Variants in DPH6 observed in about 807,000 individuals in gnomAD.
The protein encoded by DPH6 is diphthamine biosynthesis 6, also known as diphthine--ammonia ligase.
In DPH6, 33 loss-of-function variants were observed where a neutral mutation model predicts 38.2. That is an observed-to-expected ratio of 0.86 (90% confidence interval 0.65 to 1.15). DPH6 has a LOEUF of 1.15. DPH6 is among the 50% of genes most tolerant of loss of function. The pLI, the probability that DPH6 is intolerant of heterozygous loss-of-function variation, is 0.00. For synonymous variants in DPH6, 108 were observed against 103.0 expected (o/e 1.05, Z -0.30); for missense variants, 325 against 320.0 (o/e 1.02, Z -0.12).
intron 3 of DPH6, among the ~76,000 whole-genome samples, chr15:35,470,922 T>C (rs768732499): frequency 1.3e-5 from 2 of 152,158 alleles, no homozygotes; most frequent in African/African-American, 2.4e-5. Context: ...GTATAGGAGA[T>C]GTAATTTGTG....
chr15:35,371,973 C>A lies in DPH6; in HGVS notation c.*177G>T. 1.5e-6 allele frequency: 2 copies of A among 1,305,040 alleles called. No homozygotes were observed. Among genetic ancestry groups the A allele is most frequent in the Non-Finnish European group, 2.0e-6 (2 of 1,023,586 alleles). The allele number at this position is 1,305,040 out of a possible 1,614,324, so 80.8% of individuals were successfully genotyped here. ...AAGTTGGCACTATTAATGAACATGC[C>A]GTCGACATTTTCCCAATTAATAAAT... On this transcript the variant is annotated 3_prime_UTR_variant, in exon 9 of 9. Transcript: ENST00000256538.
At chr15:35,472,056 C>T (rs953012467) in intron 3 of DPH6, among the ~76,000 whole-genome samples, 13 of 152,232 alleles carry the variant, frequency 8.5e-5, no homozygotes, top group Middle Eastern at 6.8e-3. Flanking sequence ...AGCCACTGCA[C>T]TCCAGCCTGG....
chr15:35,390,322 G>A (rs910733787), intron 6 of DPH6, among the ~76,000 whole-genome samples: 1 of 152,054 alleles, frequency 6.6e-6, no homozygotes, highest in South Asian at 2.1e-4. Flanking sequence ...TATGTGTCTT[G>A]GAGTTGCTCT....
intron 5 of DPH6, among the ~76,000 whole-genome samples, chr15:35,426,017 A>G (rs974571696): frequency 1.3e-5 from 2 of 151,266 alleles, no homozygotes; most frequent in Non-Finnish European, 1.5e-5. Flanking sequence ...GAGCAAATAG[A>G]GACTCTCTTC....
intron 3 of DPH6, among the ~76,000 whole-genome samples, chr15:35,532,682 T>C (rs2055106057): frequency 6.6e-6 from 1 of 152,152 alleles, no homozygotes; most frequent in Non-Finnish European, 1.5e-5. Context: ...GGAAATATCA[T>C]GAGCAACTGA....
intron 4 of DPH6, among the ~76,000 whole-genome samples, chr15:35,453,210 C>A (rs2053958038): frequency 6.6e-6 from 1 of 152,078 alleles, no homozygotes; most frequent in African/African-American, 2.4e-5. Flanking sequence ...ATCTGTTCAA[C>A]CGTGTGTTGA....
At chr15:35,275,911 G>A (rs1002897720) in intron 3 of DPH6, among the ~76,000 whole-genome samples, 5 of 152,024 alleles carry the variant, frequency 3.3e-5, no homozygotes, top group East Asian at 1.9e-4. Context: ...GTAAACTTGC[G>A]TGTACAAGTA....
At chr15:35,537,740 G>A (rs1374261058) in intron 3 of DPH6, among the ~76,000 whole-genome samples, 3 of 151,920 alleles carry the variant, frequency 2.0e-5, no homozygotes, top group Non-Finnish European at 4.4e-5. Flanking sequence ...ACCATACGTA[G>A]CACCACCTCC....
At chr15:35,204,123 T>C in the DPH6 span, among the ~76,000 whole-genome samples, 1 of 151,796 alleles carries the variant, frequency 6.6e-6, no homozygotes, top group African/African-American at 2.4e-5. Flanking sequence ...TTCCTGTACT[T>C]AAGTGCACCA....
downstream of DPH6, chr15:35,366,053 TCTTA>T: frequency 1.0e-6 from 1 of 973,596 alleles, no homozygotes; most frequent in Non-Finnish European, 1.2e-6. Flanking sequence ...TCATTTATCT[TCTTA>T]CTTTCTTTGT....
At chr15:35,434,002 C>T (rs1487623989) in intron 5 of DPH6, among the ~76,000 whole-genome samples, 1 of 152,096 alleles carries the variant, frequency 6.6e-6, no homozygotes, top group Non-Finnish European at 1.5e-5. Context: ...ACAAGGCTGC[C>T]CTCTACAATA....
the DPH6 span, among the ~76,000 whole-genome samples, chr15:35,201,075 C>T: frequency 6.9e-6 from 1 of 145,940 alleles, no homozygotes; most frequent in East Asian, 2.0e-4. Flanking sequence ...ACATATTTTA[C>T]CTGACTAGGC....
intron 3 of DPH6, among the ~76,000 whole-genome samples, chr15:35,485,661 T>C (rs1176030605): frequency 6.6e-6 from 1 of 152,224 alleles, no homozygotes; most frequent in Non-Finnish European, 1.5e-5. Flanking sequence ...TTATTTTCCC[T>C]GTGTCAAAGT....
chr15:35,386,300 A>G (rs1393449447), intron 6 of DPH6, among the ~76,000 whole-genome samples: 1 of 152,220 alleles, frequency 6.6e-6, no homozygotes, highest in South Asian at 2.1e-4. Flanking sequence ...TAGTGCTGCA[A>G]TAAACATATG....
chr15:35,370,819 A>G (rs2140919442), downstream of DPH6: 1 of 151,852 alleles, frequency 6.6e-6, no homozygotes, highest in African/African-American at 2.4e-5. Context: ...CATATGATCC[A>G]GTAATTGTGC....
chr15:35,377,701 G>T (rs899952241), intron 7 of DPH6, among the ~76,000 whole-genome samples: 1 of 152,008 alleles, frequency 6.6e-6, no homozygotes, highest in East Asian at 1.9e-4. Flanking sequence ...CAATAGACAC[G>T]AAAAGTGAAT....
chr15:35,391,089 G>A (rs1344339754), intron 6 of DPH6, among the ~76,000 whole-genome samples: 1 of 152,150 alleles, frequency 6.6e-6, no homozygotes, highest in Non-Finnish European at 1.5e-5. Flanking sequence ...AGGTCTGTTG[G>A]ACTTTACTGG....
chr15:35,315,015 C>A (rs929311439), intron 3 of DPH6, among the ~76,000 whole-genome samples: 1 of 151,998 alleles, frequency 6.6e-6, no homozygotes, highest in Non-Finnish European at 1.5e-5. Flanking sequence ...TGAATCCTGG[C>A]GAAATGATTA....
intron 3 of DPH6, among the ~76,000 whole-genome samples, chr15:35,336,582 T>C (rs2052374850): frequency 6.6e-6 from 1 of 152,146 alleles, no homozygotes; most frequent in African/African-American, 2.4e-5. Flanking sequence ...GGCTGTGGGT[T>C]TGTCATAGAT....
Sources: gnomAD v4.1 joint callset for allele counts (sites outside exome capture counted in the v4.1 genomes callset) on GRCh38, gnomAD v4.1.1 for gene constraint, MANE v1.5 for transcripts, NCBI Gene and HGNC (gene_info 2026-07-23, HGNC 2026-07-21) for gene names.